The following GIPC2 variants were observed in gnomAD, a reference collection of about 807,000 sequenced individuals.
GIPC2 encodes PDZ domain-containing protein GIPC2.
Under a neutral mutation model 30.6 loss-of-function variants are expected in GIPC2, and 30 were observed. The ratio of observed to expected loss-of-function variants is 0.98; its 90% CI spans 0.73 to 1.33. The LOEUF (loss-of-function observed/expected upper bound fraction) is 1.33, where lower values mean the gene tolerates loss of function less well. Ranked by LOEUF, GIPC2 falls within the 40% of genes most tolerant of loss-of-function variation. The pLI is 0.00. For missense variants in GIPC2, 414 were observed against 390.3 expected (o/e 1.06, Z -0.51); for synonymous variants, 167 against 150.0 (o/e 1.11, Z -0.83).
intron 3 of GIPC2, among the ~76,000 whole-genome samples, chr1:78,118,875 G>A (rs564398470): frequency 2.6e-5 from 4 of 152,280 alleles, no homozygotes; most frequent in South Asian, 4.1e-4. Context: ...TCATAGGTTG[G>A]TATGAGTATT....
At chr1:78,057,965 T>C (rs1030390610) in intron 1 of GIPC2, among the ~76,000 whole-genome samples, 1 of 152,228 alleles carries the variant, frequency 6.6e-6, no homozygotes, top group African/African-American at 2.4e-5. Context: ...ATTTCTTGCC[T>C]TAAGGACCTA....
chr1:78,063,974 A>C (rs1218284973), intron 1 of GIPC2, among the ~76,000 whole-genome samples: 1 of 152,202 alleles, frequency 6.6e-6, no homozygotes, highest in African/African-American at 2.4e-5. Flanking sequence ...ACATTTTAAA[A>C]TAAGAGATAT....
intron 3 of GIPC2, among the ~76,000 whole-genome samples, chr1:78,098,257 G>A (rs1662175900): frequency 6.6e-6 from 1 of 152,032 alleles, no homozygotes; most frequent in Non-Finnish European, 1.5e-5. Context: ...GTTTGGCAGT[G>A]GACTATCTAG....
chr1:78,104,990 T>C (rs184970428), intron 3 of GIPC2, among the ~76,000 whole-genome samples: 4 of 152,270 alleles, frequency 2.6e-5, no homozygotes, highest in African/African-American at 9.6e-5. Flanking sequence ...GTCACAAAGA[T>C]ACTATGGGAG....
At chr1:78,052,646 C>T (rs1474086097) in intron 1 of GIPC2, among the ~76,000 whole-genome samples, 1 of 152,064 alleles carries the variant, frequency 6.6e-6, no homozygotes, top group Non-Finnish European at 1.5e-5. Flanking sequence ...TTAAGGTATA[C>T]AACACGATGT....
At chr1:78,089,952 G>A (rs1419125500) in intron 2 of GIPC2, among the ~76,000 whole-genome samples, 1 of 152,308 alleles carries the variant, frequency 6.6e-6, no homozygotes, top group African/African-American at 2.4e-5. Flanking sequence ...GTTTCCCAGT[G>A]AGAACTTACT....
At chr1:78,092,356 G>T (rs1165088204) in intron 2 of GIPC2, among the ~76,000 whole-genome samples, 2 of 152,164 alleles carry the variant, frequency 1.3e-5, no homozygotes, top group East Asian at 3.8e-4. Flanking sequence ...GTTTAATAAT[G>T]TAAATCCTAT....
chr1:78,136,681 A>G lies in GIPC2; in HGVS notation c.*938A>G, dbSNP rs996171491. On this transcript the variant is annotated 3_prime_UTR_variant, in exon 6 of 6. Coordinates refer to ENST00000370759, the MANE Select transcript of GIPC2 (RefSeq NM_017655.6). ...CCTAAACTTTAGAAGAAATGCTATC[A>G]GAAATAGATTTCCTTCCAGTGGAAA... is the stretch of plus-strand genomic sequence containing the variant. 6.8e-6 allele frequency: 1 copy of G among 148,060 alleles called. No homozygotes were observed. The highest frequency in any genetic ancestry group is 6.9e-5 in the Admixed American group (1 of 14,562). 9.2% of individuals were successfully genotyped at this position (148,060 alleles called of 1,614,324 possible).
At position 78,092,074 on chromosome 1, in the gene GIPC2, C is replaced by T; in HGVS notation, c.427-2878C>T. 3 of 1,494,170 alleles carry T rather than the reference C, an allele frequency of 2.0e-6. No individual in the cohort carries two copies. The Admixed American group carries it at 5.0e-5, about 25-fold the overall frequency. 92.6% of individuals were successfully genotyped at this position (1,494,170 alleles called of 1,614,324 possible). A position where few individuals can be genotyped will look rare whatever the true frequency, so the allele number is the denominator to read the frequency against. ...CCAAGTAGACCATGTCAGCTTCACC[C>T]CCCGGCTTTGTGTCTGTGGGTGGCC... On this transcript the variant is annotated intron_variant, in intron 2 of 5. Transcript: ENST00000370759.
chr1:78,121,306 T>C (rs938579213), intron 4 of GIPC2, among the ~76,000 whole-genome samples: 1 of 152,128 alleles, frequency 6.6e-6, no homozygotes. Context: ...AGGTGACTGA[T>C]GCCTGTGAGC....
intron 2 of GIPC2, among the ~76,000 whole-genome samples, chr1:78,086,268 C>T (rs2100357650): frequency 6.6e-6 from 1 of 152,210 alleles, no homozygotes; most frequent in South Asian, 2.1e-4. Flanking sequence ...TTTTATTGCA[C>T]TGTGGTCCAA....
chr1:78,081,697 G>A (rs1470474558), intron 2 of GIPC2, among the ~76,000 whole-genome samples: 1 of 152,062 alleles, frequency 6.6e-6, no homozygotes, highest in Non-Finnish European at 1.5e-5. Context: ...TGAGGAGAAA[G>A]GTAGTCTCAT....
In GIPC2 at chr1:78,055,493, CTG is replaced by C. The variant is rs566752460; in HGVS notation, c.240+9160_240+9161del. ...AGCAGTAGCTTTATACTGTAGAGAA[CTG>C]AGAGCAAGTCTAGTTGTCCTTAACC... On this transcript the variant is annotated intron_variant, in intron 1 of 5. Transcript: ENST00000370759. Among the ~76,000 whole-genome samples, 110 of 152,296 alleles carry C rather than the reference CTG, an allele frequency of 7.2e-4. 1 individual carries two copies. The highest frequency in any genetic ancestry group is 1.3e-3 in the Non-Finnish European group (87 of 68,022).
intron 2 of GIPC2, among the ~76,000 whole-genome samples, chr1:78,092,599 C>T: frequency 6.6e-6 from 1 of 152,190 alleles, no homozygotes; most frequent in East Asian, 1.9e-4. Flanking sequence ...GTTTCAGAAA[C>T]TTGTCTCCAT....
chr1:78,109,224 C>G (rs952751360), intron 3 of GIPC2, among the ~76,000 whole-genome samples: 2 of 152,204 alleles, frequency 1.3e-5, no homozygotes, highest in African/African-American at 4.8e-5. Flanking sequence ...TCTGACCTTG[C>G]GGCCTTTAGT....
chr1:78,096,625 CTATT>C (rs1662141589), intron 3 of GIPC2, among the ~76,000 whole-genome samples: 1 of 151,812 alleles, frequency 6.6e-6, no homozygotes, highest in South Asian at 2.1e-4. Context: ...TTGTATTTAG[CTATT>C]ATTGTTCCAT....
At chr1:78,087,809 A>G (rs1484836177) in intron 2 of GIPC2, among the ~76,000 whole-genome samples, 1 of 152,196 alleles carries the variant, frequency 6.6e-6, no homozygotes, top group Non-Finnish European at 1.5e-5. Flanking sequence ...GAAACTATCA[A>G]CAGAGTAAAC....
At chr1:78,046,879 C>G (rs1477269964) in intron 1 of GIPC2, among the ~76,000 whole-genome samples, 2 of 152,148 alleles carry the variant, frequency 1.3e-5, no homozygotes, top group Non-Finnish European at 2.9e-5. Context: ...CGGAGGCCCA[C>G]TTTCCCCCAA....
intron 1 of GIPC2, among the ~76,000 whole-genome samples, chr1:78,078,052 G>A (rs1436490069): frequency 1.3e-5 from 2 of 150,450 alleles, no homozygotes; most frequent in African/African-American, 4.9e-5. Context: ...GCCGGGCGTA[G>A]TGGCGGGCGC....
Sources: gnomAD v4.1 joint callset for allele counts (sites outside exome capture counted in the v4.1 genomes callset) on GRCh38, gnomAD v4.1.1 for gene constraint, MANE v1.5 for transcripts, NCBI Gene and HGNC (gene_info 2026-07-23, HGNC 2026-07-21) for gene names.